KASH5: variants seen among roughly 807,000 people sequenced by gnomAD.
KASH5 encodes KASH domain containing 5.
KASH5 carries 72 observed loss-of-function variants against 84.2 expected under a neutral mutation model. The ratio of observed to expected loss-of-function variants is 0.85; its 90% CI spans 0.71 to 1.04. The LOEUF is 1.04. Among genes scored for constraint, KASH5 ranks in the 50% least tolerant of loss-of-function variants. The pLI, the probability that KASH5 is intolerant of heterozygous loss-of-function variation, is 0.00. For synonymous variants in KASH5, 260 were observed against 279.1 expected (o/e 0.93, Z 0.68); for missense variants, 650 against 701.0 (o/e 0.93, Z 0.82).
rs1484899414 is a variant in KASH5, at chr19:49,409,186, G to T, written c.1059-10G>T. 3.1e-6 allele frequency: 5 copies of T among 1,612,570 alleles called. No homozygotes were observed. The highest frequency in any genetic ancestry group is 4.5e-5 in the East Asian group (2 of 44,826). On this transcript the variant is annotated splice_polypyrimidine_tract_variant and intron_variant, in intron 13 of 19. Coordinates refer to ENST00000447857, the MANE Select transcript of KASH5 (RefSeq NM_144688.5). ...GAGGCCATCTTCCTCCCTCCTTCCT[G>T]TGTGGCCAGGCTACCTGAAGGGGCC...
Position 49,399,429 on chromosome 19 carries a change from C to G in KASH5, c.748-28C>G, listed in dbSNP as rs951512131. 3.8e-6 allele frequency: 6 copies of G among 1,598,630 alleles called. No individual in the cohort carries two copies. Among genetic ancestry groups the G allele is most frequent in the African/African-American group, 1.3e-5 (1 of 74,786 alleles). On this transcript the variant is annotated intron_variant, in intron 8 of 19. Transcript: ENST00000447857. This position sits in a 1 kb window ranked among gnomAD's most constrained non-coding sequence, Gnocchi z 4.4. ...GGGGGCAAGGAGGCTAGAAATGAAACCTTTGTCCTCTCTCTGGGGTTGGTC... is the reference window on the plus strand; with the variant it reads ...GGGGGCAAGGAGGCTAGAAATGAAAGCTTTGTCCTCTCTCTGGGGTTGGTC...
At chr19:49,413,111 G>A in intron 16 of KASH5, 85 bp downstream of exon 16, 2 of 1,339,318 alleles carry the variant, frequency 1.5e-6, no homozygotes, top group Non-Finnish European at 1.0e-6. Flanking sequence ...TGCCCTGAGG[G>A]GATCGGCATT....
chr19:49,398,908 G>T, intron 7 of KASH5, 117 bp from the exon 8 acceptor site: 1 of 770,200 alleles, frequency 1.3e-6, no homozygotes, highest in Non-Finnish European at 2.1e-6. Context: ...CTGGGTCTCT[G>T]TCCCTGCCTA....
chr19:49,404,050 C>T (rs571523636), intron 9 of KASH5, among the ~76,000 whole-genome samples: 1 of 152,354 alleles, frequency 6.6e-6, no homozygotes, highest in Admixed American at 6.5e-5. Flanking sequence ...AGGTTCCCTG[C>T]CGAGTGGCCC....
chr19:49,400,705 G>T (rs979423024), intron 9 of KASH5, among the ~76,000 whole-genome samples: 31 of 152,178 alleles, frequency 2.0e-4, no homozygotes, highest in African/African-American at 7.5e-4. Context: ...TATTTTCAAA[G>T]AACTGGAAGA....
chr19:49,417,484 T>C lies in KASH5; in HGVS notation c.1663T>C (p.Cys555Arg). Residue 555 changes from cysteine (C) to arginine (R), a missense_variant, in exon 20 of 20, where the codon TGC becomes CGC. By Grantham distance (180) the Cys-to-Arg change is radical. Coordinates refer to ENST00000447857, the MANE Select transcript of KASH5 (RefSeq NM_144688.5). This position sits in a 1 kb window ranked among gnomAD's most constrained non-coding sequence, Gnocchi z 5.2. ...PPPTWPHLQL[C>R]YLQPPPV is the part of the protein sequence containing the mutation. ...TCCCACCTGGCCCCACCTCCAGCTC[T>C]GCTACCTCCAGCCCCCTCCAGTGTG... 6.5e-7 allele frequency: 1 copy of C among 1,550,234 alleles called. No homozygotes were observed. Among genetic ancestry groups the C allele is most frequent in the Non-Finnish European group, 8.7e-7 (1 of 1,147,048 alleles).
chr19:49,397,697 C>A lies in KASH5; in HGVS notation c.447C>A (p.Gly149=). The A allele has an allele frequency of 6.2e-7, 1 of 1,613,734 alleles. No individual in the cohort carries two copies. The change falls in exon 6 of 20, where the codon GGC becomes GGA. Residue 149 remains glycine (G), a synonymous_variant. Transcript: ENST00000447857. ...CAGCCAACCTGGAGAGCTTCGGAGG[C>A]GAAGACCCCAGACCCGAGCTGTACC... The part of the protein sequence containing the change: ...EEPANLESFG[G]EDPRPELQAT...
At chr19:49,393,679 G>A (rs1022900153) in intron 2 of KASH5, 2 of 144,602 alleles carry the variant, frequency 1.4e-5, no homozygotes, top group Non-Finnish European at 2.9e-5. Flanking sequence ...ATAGACCCCA[G>A]GACGTGTGTG....
intron 9 of KASH5, among the ~76,000 whole-genome samples, chr19:49,405,398 A>G (rs1226407195): frequency 1.3e-5 from 2 of 151,036 alleles, no homozygotes; most frequent in Non-Finnish European, 2.9e-5. Flanking sequence ...CGGAGGTTGC[A>G]GTGAGCCGAG....
chr19:49,395,816 C>G lies in KASH5; in HGVS notation c.383C>G (p.Ser128Cys). The G allele has an allele frequency of 6.4e-7, 1 of 1,564,422 alleles. No homozygotes were observed. The highest frequency in any genetic ancestry group is 8.7e-7 in the Non-Finnish European group (1 of 1,154,382). ...ACCGCCTTCCAGGGAGCCCTGACCT[C>G]CCGGCAACTGCCATCTGGTGAGATT... ...EETAFQGALT[S>C]RQLPSGCPEA... The change falls in exon 5 of 20, where the codon TCC (serine) becomes TGC (cysteine). Residue 128 changes from serine to cysteine, a missense_variant. Ser to Cys is a moderately radical substitution (Grantham distance 112). Coordinates refer to ENST00000447857, the MANE Select transcript of KASH5 (RefSeq NM_144688.5). The surrounding 1 kb of genome is among the most constrained non-coding windows in gnomAD (Gnocchi z 4.4).
At chr19:49,402,258 G>C (rs1470292235) in intron 9 of KASH5, among the ~76,000 whole-genome samples, 1 of 150,978 alleles carries the variant, frequency 6.6e-6, no homozygotes, top group Non-Finnish European at 1.5e-5. Context: ...AAAAGGAAAA[G>C]AAAAACTTTC....
chr19:49,413,370 A>C (rs939990201), intron 16 of KASH5, among the ~76,000 whole-genome samples: 2 of 152,210 alleles, frequency 1.3e-5, no homozygotes. Flanking sequence ...GTATGCCGTG[A>C]AGTCCCAGCC....
In KASH5 at chr19:49,390,911, G is replaced by A; in HGVS notation, c.28G>A (p.Gly10Ser). 6.2e-7 allele frequency: 1 copy of A among 1,603,902 alleles called. No individual in the cohort carries two copies. Among genetic ancestry groups the A allele is most frequent in the Non-Finnish European group, 8.5e-7 (1 of 1,176,042 alleles). The change falls in exon 2 of 20, where the codon GGC becomes AGC. Residue 10 changes from glycine (G) to serine (S), a missense_variant. Transcript: ENST00000447857. ...GGACCTGCCCGAGGGCCCGGTGGGT[G>A]GCCCCACTGCGGAAAGTAAGTGGCT... MDLPEGPVG[G>S]PTAEMYLRER...
chr19:49,408,986 C>T lies in KASH5; in HGVS notation c.1013C>T (p.Ser338Leu), dbSNP rs1206197303. The change falls in exon 13 of 20, where the codon TCA (serine) becomes TTA (leucine). Residue 338 changes from serine (S) to leucine (L), a missense_variant. Ser to Leu is a moderately radical substitution (Grantham distance 145, BLOSUM62 -2). Coordinates refer to ENST00000447857, the MANE Select transcript of KASH5 (RefSeq NM_144688.5). ...VTTQELRLEI[S>L]RLEEQLSQTY... is the part of the protein sequence containing the mutation. ...TTGCAGGAACTGAGGCTGGAGATTT[C>T]ACGCCTGGAGGAGCAGCTGAGTCAG... 6.3e-7 allele frequency: 1 copy of T among 1,589,352 alleles called. No homozygotes were observed. Among genetic ancestry groups the T allele is most frequent in the South Asian group, 1.2e-5 (1 of 86,864 alleles).
In KASH5 at chr19:49,416,210, T is replaced by C. The variant is rs1185326269; in HGVS notation, c.1375-805T>C. ...TGGTGTTTTGTTTTTGGTTTTTGTT[T>C]TGAGATGGAGTCTTGCTCTGTCGCC... On this transcript the variant is annotated intron_variant, in intron 17 of 19. Transcript: ENST00000447857. The surrounding 1 kb of genome is among the most constrained non-coding windows in gnomAD (Gnocchi z 5.4). Among the ~76,000 whole-genome samples the C allele has an allele frequency of 6.6e-6, 1 of 152,244 alleles. No homozygotes were observed. The highest frequency in any genetic ancestry group is 1.5e-5 in the Non-Finnish European group (1 of 68,038).
Position 49,406,924 on chromosome 19 carries a change from G to C in KASH5, c.837G>C (p.Lys279Asn). Reference protein sequence around the residue: ...KLLAERDGVKKRSQELAMEKD... With the variant: ...KLLAERDGVKNRSQELAMEKD... ...TTGCCGAGCGGGATGGAGTGAAAAAGAGAAGTCAGGAGCTGGCCATGGAGA... is the reference window on the plus strand; with the variant it reads ...TTGCCGAGCGGGATGGAGTGAAAAACAGAAGTCAGGAGCTGGCCATGGAGA... Residue 279 changes from lysine (K) to asparagine (N), a missense_variant, in exon 10 of 20, where the codon AAG becomes AAC. By Grantham distance (94) the Lys-to-Asn change is moderately conservative. Transcript: ENST00000447857. The C allele has an allele frequency of 6.2e-7, 1 of 1,603,916 alleles. No individual in the cohort carries two copies. Among genetic ancestry groups the C allele is most frequent in the South Asian group, 1.1e-5 (1 of 88,876 alleles).
Position 49,416,896 on chromosome 19 carries a change from A to C in KASH5, c.1375-119A>C, listed in dbSNP as rs552884211. ...GAACCCGACCTGGCAGCAGAAGTGCACTCACTTATCTCCTGAGCTCCACCA... is the reference window on the plus strand; with the variant it reads ...GAACCCGACCTGGCAGCAGAAGTGCCCTCACTTATCTCCTGAGCTCCACCA... On this transcript the variant is annotated intron_variant, in intron 17 of 19. Transcript: ENST00000447857. The surrounding 1 kb of genome is among the most constrained non-coding windows in gnomAD (Gnocchi z 5.4). The C allele has an allele frequency of 1.3e-5, 13 of 986,172 alleles. No homozygotes were observed. In the East Asian group the frequency reaches 2.6e-4, roughly 20 times the overall value. The allele number at this position is 986,172 out of a possible 1,614,324, so 61.1% of individuals were successfully genotyped here. A position where few individuals can be genotyped will look rare whatever the true frequency, so the allele number is the denominator to read the frequency against.
intron 7 of KASH5, among the ~76,000 whole-genome samples, chr19:49,398,526 T>C (rs1974259814): frequency 6.6e-6 from 1 of 151,988 alleles, no homozygotes; most frequent in African/African-American, 2.4e-5. Flanking sequence ...ACCACCCTGC[T>C]TGGCTAATTT....
Position 49,414,223 on chromosome 19 carries a change from A to G in KASH5, c.1329-728A>G, listed in dbSNP as rs1974818512. 6.6e-6 allele frequency among the ~76,000 whole-genome samples: 1 copy of G among 152,088 alleles called. No homozygotes were observed. Among genetic ancestry groups the G allele is most frequent in the Non-Finnish European group, 1.5e-5 (1 of 67,990 alleles). ...AGGGTCAGGTCTCATCTCCTGGCCT[A>G]CAGGCCCAGGGTCTACTCCCGGAAG... is the stretch of plus-strand genomic sequence containing the variant. On this transcript the variant is annotated intron_variant, in intron 16 of 19. Coordinates refer to ENST00000447857, the MANE Select transcript of KASH5 (RefSeq NM_144688.5). The surrounding 1 kb of genome is among the most constrained non-coding windows in gnomAD (Gnocchi z 4.5).
Sources: allele counts gnomAD v4.1 joint callset (sites outside exome capture counted in the v4.1 genomes callset), GRCh38; gene constraint gnomAD v4.1.1; non-coding constraint Gnocchi (gnomAD v3.1); transcripts MANE v1.5; gene names NCBI Gene and HGNC (gene_info 2026-07-23, HGNC 2026-07-21).